The following TCF4 variants were observed in gnomAD, a reference collection of about 807,000 sequenced individuals.
TCF4 encodes the protein transcription factor 4, also known as SL3-3 enhancer factor 2.
A neutral mutation model predicts 82.1 loss-of-function variants in TCF4; 3 were observed. The observed-to-expected ratio is 0.04, with a 90% CI of 0.02 to 0.09. TCF4 has a LOEUF of 0.09. Among genes scored for constraint, TCF4 ranks in the 10% least tolerant of loss-of-function variants. TCF4 has a pLI of 1.00. For synonymous variants in TCF4, 276 were observed against 309.6 expected (o/e 0.89, Z 1.14); for missense variants, 518 against 852.7 (o/e 0.61, Z 4.89).
intron 9 of TCF4, among the ~76,000 whole-genome samples, chr18:55,276,489 CT>C (rs1442251791): frequency 6.6e-6 from 1 of 152,010 alleles, no homozygotes; most frequent in African/African-American, 2.4e-5. Flanking sequence ...TATAAAGTAT[CT>C]TTCAACATAA....
At chr18:55,421,471 T>C (rs1263708089) in intron 5 of TCF4, among the ~76,000 whole-genome samples, 2 of 152,242 alleles carry the variant, frequency 1.3e-5, no homozygotes, top group Non-Finnish European at 2.9e-5. Flanking sequence ...AGGCGTATTA[T>C]AATCTTTATT....
intron 8 of TCF4, among the ~76,000 whole-genome samples, chr18:55,303,985 T>C (rs1177409128): frequency 6.6e-6 from 1 of 152,208 alleles, no homozygotes; most frequent in East Asian, 1.9e-4. Context: ...CTTTCTACGG[T>C]GTAAACATTA....
At chr18:55,441,152 C>A (rs9954159) in intron 5 of TCF4, among the ~76,000 whole-genome samples, 152,055 of 152,346 alleles carry the variant, frequency 1, 75,884 homozygotes, top group Middle Eastern at 1. Flanking sequence ...CATTAGGTCC[C>A]AACTCATATG....
chr18:55,296,506 G>A (rs2066532426), intron 8 of TCF4, among the ~76,000 whole-genome samples: 1 of 152,274 alleles, frequency 6.6e-6, no homozygotes, highest in Middle Eastern at 3.4e-3. Flanking sequence ...CTATGATCGG[G>A]CTTCTACTAT....
At chr18:55,240,790 T>A (rs1014660886) in intron 15 of TCF4, among the ~76,000 whole-genome samples, 2 of 152,240 alleles carry the variant, frequency 1.3e-5, no homozygotes, top group Admixed American at 1.3e-4. Flanking sequence ...CTTTAGTACA[T>A]GTGATTAAAC....
intron 5 of TCF4, among the ~76,000 whole-genome samples, chr18:55,414,163 A>G (rs1186819233): frequency 6.6e-6 from 1 of 152,218 alleles, no homozygotes; most frequent in Non-Finnish European, 1.5e-5. Context: ...AACAGAGGTA[A>G]TAAGGACTTA....
At chr18:55,294,578 C>A (rs1002161898) in intron 8 of TCF4, among the ~76,000 whole-genome samples, 4 of 152,090 alleles carry the variant, frequency 2.6e-5, no homozygotes, top group Non-Finnish European at 5.9e-5. Context: ...AGGTGTTGTG[C>A]GTGGGGTGAA....
intron 8 of TCF4, among the ~76,000 whole-genome samples, chr18:55,346,925 T>A (rs955162728): frequency 3.3e-5 from 5 of 152,166 alleles, no homozygotes; most frequent in African/African-American, 1.2e-4. Flanking sequence ...CATAAATCAT[T>A]TTTTTCCAAC....
At chr18:55,228,489 C>T (rs2046975489) in intron 18 of TCF4, 128 bp from the exon 19 acceptor site, 1 of 1,320,896 alleles carries the variant, frequency 7.6e-7, no homozygotes, top group Non-Finnish European at 1.1e-6. Context: ...GGAACAGTTA[C>T]TAAGTACTGT....
chr18:55,290,242 T>C (rs2064732836), intron 8 of TCF4, among the ~76,000 whole-genome samples: 1 of 152,186 alleles, frequency 6.6e-6, no homozygotes, highest in African/African-American at 2.4e-5. Flanking sequence ...CTGACATCCT[T>C]AAGAAAGGAC....
intron 8 of TCF4, among the ~76,000 whole-genome samples, chr18:55,342,296 T>C (rs889883315): frequency 6.6e-6 from 1 of 152,148 alleles, no homozygotes; most frequent in Non-Finnish European, 1.5e-5. Context: ...AATTCCATTT[T>C]CTTTGCTGTT....
rs552459010 is a variant in TCF4, at chr18:55,463,452, G to A, written c.207+624C>T. The stretch of plus-strand genomic sequence containing the variant: ...ATTCCTATTACATTATATTCCTTGG[G>A]TCTTCCCCAAGAAACAACCAATGCA... On this transcript the variant is annotated intron_variant, in intron 4 of 19. Transcript: ENST00000354452. Among the ~76,000 whole-genome samples the A allele has an allele frequency of 5.7e-4, 86 of 152,192 alleles. No individual in the cohort carries two copies. The Middle Eastern group carries it at 0.01, about 18-fold the overall frequency.
At chr18:55,498,875 C>A (rs1204246167) in intron 3 of TCF4, among the ~76,000 whole-genome samples, 2 of 152,140 alleles carry the variant, frequency 1.3e-5, no homozygotes, top group African/African-American at 2.4e-5. Context: ...TATCTTCTTC[C>A]TTTTATTTGT....
At chr18:55,361,649 C>T (rs1207353406) in intron 6 of TCF4, among the ~76,000 whole-genome samples, 2 of 152,156 alleles carry the variant, frequency 1.3e-5, no homozygotes, top group African/African-American at 4.8e-5. Context: ...TCCTCTACCC[C>T]GGGCTTCAGG....
intron 8 of TCF4, among the ~76,000 whole-genome samples, chr18:55,287,880 C>G (rs866279725): frequency 1.3e-5 from 2 of 152,022 alleles, no homozygotes; most frequent in Non-Finnish European, 2.9e-5. Flanking sequence ...TTTTTCAAAT[C>G]AAATTTCAAA....
intron 6 of TCF4, among the ~76,000 whole-genome samples, chr18:55,354,875 C>T (rs2083113444): frequency 1.3e-5 from 2 of 152,060 alleles, no homozygotes; most frequent in Non-Finnish European, 2.9e-5. Context: ...AGCAAATGTG[C>T]CCCTGGTTTC....
At chr18:55,531,485 T>C (rs1224657028) in intron 3 of TCF4, among the ~76,000 whole-genome samples, 1 of 152,176 alleles carries the variant, frequency 6.6e-6, no homozygotes, top group Non-Finnish European at 1.5e-5. Context: ...TATAGAGATA[T>C]GGATGTATAC....
intron 6 of TCF4, chr18:55,400,885 C>T (rs749682311): frequency 1.2e-4 from 133 of 1,095,872 alleles, no homozygotes; most frequent in Non-Finnish European, 1.5e-4. Flanking sequence ...TGTTATAATA[C>T]GATAAAGCAG....
chr18:55,592,134 TTAAA>T (rs947535773), upstream of TCF4, among the ~76,000 whole-genome samples: 2 of 152,130 alleles, frequency 1.3e-5, no homozygotes, highest in African/African-American at 4.8e-5. Context: ...CCTGTGAAAC[TTAAA>T]TAAAAAAGGA....
Sources: gnomAD v4.1 joint callset for allele counts (sites outside exome capture counted in the v4.1 genomes callset) on GRCh38, gnomAD v4.1.1 for gene constraint, MANE v1.5 for transcripts, NCBI Gene and HGNC (gene_info 2026-07-23, HGNC 2026-07-21) for gene names.